PPFIA2: variants seen among roughly 807,000 people sequenced by gnomAD.
PPFIA2 encodes the protein liprin-alpha-2.
Under a neutral mutation model 175.5 loss-of-function variants are expected in PPFIA2, and 46 were observed. That is an observed-to-expected ratio of 0.26 (90% confidence interval 0.21 to 0.34). The LOEUF is 0.34. Ranked by LOEUF, PPFIA2 falls within the 10% of genes least tolerant of loss-of-function variation. The pLI, the probability that PPFIA2 is intolerant of heterozygous loss-of-function variation, is 1.00. For synonymous variants in PPFIA2, 568 were observed against 511.4 expected (o/e 1.11, Z -1.49); for missense variants, 1,179 against 1,506.1 (o/e 0.78, Z 3.60).
At chr12:81,458,237 A>AG (rs1355821370) in intron 4 of PPFIA2, among the ~76,000 whole-genome samples, 1 of 152,186 alleles carries the variant, frequency 6.6e-6, no homozygotes, top group Admixed American at 6.5e-5. Flanking sequence ...ATGTTTATAC[A>AG]GAGTACAGTG....
intron 22 of PPFIA2, among the ~76,000 whole-genome samples, chr12:81,318,662 C>A (rs757340689): frequency 8.6e-5 from 13 of 151,872 alleles, no homozygotes; most frequent in Middle Eastern, 3.4e-3. Context: ...CCTTCTGTTT[C>A]ACTTAGTCAT....
chr12:81,625,002 C>T (rs2062524328), intron 4 of PPFIA2, among the ~76,000 whole-genome samples: 2 of 151,716 alleles, frequency 1.3e-5, no homozygotes, highest in Admixed American at 6.6e-5. Context: ...TAAATCAATA[C>T]ATACATTGCT....
At chr12:81,315,222 T>C (rs1383064030) in intron 22 of PPFIA2, among the ~76,000 whole-genome samples, 1 of 151,780 alleles carries the variant, frequency 6.6e-6, no homozygotes, top group African/African-American at 2.4e-5. Flanking sequence ...AGAAAACTCT[T>C]GGGATTACTA....
At chr12:81,732,168 G>C (rs974320043) in intron 3 of PPFIA2, among the ~76,000 whole-genome samples, 2 of 151,444 alleles carry the variant, frequency 1.3e-5, no homozygotes, top group Non-Finnish European at 3.0e-5. Flanking sequence ...CATTCCTTCA[G>C]GCAAAGTGAT....
At chr12:81,604,926 A>G (rs971377312) in intron 4 of PPFIA2, among the ~76,000 whole-genome samples, 2 of 151,748 alleles carry the variant, frequency 1.3e-5, no homozygotes, top group African/African-American at 4.8e-5. Context: ...GAAGCCAGAC[A>G]TTTGCTCTTA....
chr12:81,367,310 A>G, intron 13 of PPFIA2, 140 bp from the exon 14 acceptor site: 2 of 566,406 alleles, frequency 3.5e-6, no homozygotes, highest in Non-Finnish European at 5.1e-6. Flanking sequence ...CATGGAAACC[A>G]TGCTTTGATG....
intron 28 of PPFIA2, among the ~76,000 whole-genome samples, chr12:81,274,676 G>A (rs1031276577): frequency 2.0e-5 from 3 of 152,140 alleles, no homozygotes; most frequent in African/African-American, 7.2e-5. Flanking sequence ...ATGTTAGTAG[G>A]TTCTTGATAT....
chr12:81,367,188 G>C lies in PPFIA2; in HGVS notation c.1483-18C>G, dbSNP rs563478340. 2.3e-6 allele frequency: 3 copies of C among 1,320,672 alleles called. No homozygotes were observed. In the Admixed American group the frequency reaches 9.4e-5, roughly 41 times the overall value. The allele number at this position is 1,320,672 out of a possible 1,614,324, so 81.8% of individuals were successfully genotyped here. A position where few individuals can be genotyped will look rare whatever the true frequency, so the allele number is the denominator to read the frequency against. On this transcript the variant is annotated intron_variant, in intron 13 of 32. Coordinates refer to ENST00000549396, the MANE Select transcript of PPFIA2 (RefSeq NM_003625.5). ...AAAACATTCTAAAGAAAAGAAAATAGCAGAAATAATTAATAAATTAAACAT... is the reference window on the plus strand; with the variant it reads ...AAAACATTCTAAAGAAAAGAAAATACCAGAAATAATTAATAAATTAAACAT...
chr12:81,636,809 C>T (rs898900664), intron 4 of PPFIA2, among the ~76,000 whole-genome samples: 2 of 151,870 alleles, frequency 1.3e-5, no homozygotes, highest in Non-Finnish European at 2.9e-5. Context: ...TGTACCACCA[C>T]GCCCAAGTAA....
chr12:81,502,887 T>C (rs145554928), intron 4 of PPFIA2, among the ~76,000 whole-genome samples: 13 of 152,228 alleles, frequency 8.5e-5, no homozygotes, highest in African/African-American at 2.6e-4. Flanking sequence ...TATAATCTAA[T>C]GCAACTTGTA....
At chr12:81,428,774 A>T (rs2144333789) in intron 7 of PPFIA2, among the ~76,000 whole-genome samples, 1 of 152,198 alleles carries the variant, frequency 6.6e-6, no homozygotes, top group African/African-American at 2.4e-5. Context: ...CTAACCAAAA[A>T]TGATACATTT....
intron 4 of PPFIA2, among the ~76,000 whole-genome samples, chr12:81,665,795 A>G (rs1244680312): frequency 1.3e-5 from 2 of 152,150 alleles, no homozygotes; most frequent in Non-Finnish European, 1.5e-5. Context: ...GCTTCTGCAC[A>G]GCAAAAGAAA....
intron 5 of PPFIA2, 106 bp from the exon 6 acceptor site, chr12:81,445,826 T>C: frequency 9.4e-7 from 1 of 1,067,454 alleles, no homozygotes; most frequent in Non-Finnish European, 1.3e-6. Context: ...TATCTAATGT[T>C]AGCTGCAGGT....
chr12:81,505,050 G>A (rs74237250), intron 4 of PPFIA2, among the ~76,000 whole-genome samples: 2,265 of 152,140 alleles, frequency 0.015, 62 homozygotes, highest in East Asian at 0.12. Flanking sequence ...TGTAGATAAC[G>A]GGTTGATGCA....
At chr12:81,364,779 A>G (rs190525176) in intron 14 of PPFIA2, among the ~76,000 whole-genome samples, 15 of 151,912 alleles carry the variant, frequency 9.9e-5, no homozygotes. Context: ...AGTAGAAATA[A>G]GAGGATTTGA....
intron 3 of PPFIA2, among the ~76,000 whole-genome samples, chr12:81,726,802 T>G (rs1437112810): frequency 1.3e-5 from 2 of 151,424 alleles, no homozygotes; most frequent in Non-Finnish European, 1.5e-5. Flanking sequence ...TCCACACCAT[T>G]GCCTTTAAGC....
intron 3 of PPFIA2, among the ~76,000 whole-genome samples, chr12:81,696,020 A>G (rs1000762454): frequency 1.3e-5 from 2 of 152,168 alleles, no homozygotes; most frequent in Non-Finnish European, 2.9e-5. Flanking sequence ...GGTGTAATTG[A>G]GTGTTGGTAT....
chr12:81,545,057 A>C (rs935966280), intron 4 of PPFIA2, among the ~76,000 whole-genome samples: 35 of 151,228 alleles, frequency 2.3e-4, no homozygotes, highest in African/African-American at 8.5e-4. Flanking sequence ...TTCATTCTTA[A>C]TGTTTCTTAT....
At chr12:81,513,984 T>C (rs1001265974) in intron 4 of PPFIA2, among the ~76,000 whole-genome samples, 6 of 152,016 alleles carry the variant, frequency 3.9e-5, no homozygotes, top group African/African-American at 7.2e-5. Context: ...CACAAAGTCA[T>C]ATTCAAGTAT....
Sources: gnomAD v4.1 joint callset for allele counts (sites outside exome capture counted in the v4.1 genomes callset) on GRCh38, gnomAD v4.1.1 for gene constraint, MANE v1.5 for transcripts, NCBI Gene and HGNC (gene_info 2026-07-23, HGNC 2026-07-21) for gene names.